CNGB3: variants seen among roughly 807,000 people sequenced by gnomAD.
CNGB3 encodes cyclic nucleotide gated channel subunit beta 3.
CNGB3 carries 86 observed loss-of-function variants against 92.8 expected under a neutral mutation model. The ratio of observed to expected loss-of-function variants is 0.93; its 90% CI spans 0.78 to 1.11. CNGB3 has a LOEUF of 1.11. CNGB3 is among the 50% of genes least tolerant of loss of function. The pLI is 0.00. For synonymous variants in CNGB3, 333 were observed against 332.7 expected (o/e 1.00, Z -0.01); for missense variants, 1,026 against 956.8 (o/e 1.07, Z -0.95).
At chr8:86,710,523 G>A (rs1440037390) in intron 3 of CNGB3, among the ~76,000 whole-genome samples, 6 of 152,146 alleles carry the variant, frequency 3.9e-5, no homozygotes, top group African/African-American at 1.4e-4. Context: ...ACCATGGGGA[G>A]CTTCCCTTTT....
chr8:86,604,082 C>A lies in CNGB3; in HGVS notation c.1781+11G>T. The A allele has an allele frequency of 1.3e-6, 2 of 1,546,904 alleles. No individual in the cohort carries two copies. Among genetic ancestry groups the A allele is most frequent in the Non-Finnish European group, 1.8e-6 (2 of 1,119,172 alleles). On this transcript the variant is annotated intron_variant, in intron 15 of 17. Coordinates refer to ENST00000320005, the MANE Select transcript of CNGB3 (RefSeq NM_019098.5). ...ATGGACTTCAATATTTATGAAGTATCTTTCAGATACCTGATTTCTCCAAAC... is the reference window on the plus strand; with the variant it reads ...ATGGACTTCAATATTTATGAAGTATATTTCAGATACCTGATTTCTCCAAAC...
Position 86,657,646 on chromosome 8 carries a change from C to T in CNGB3, c.853-3584G>A, listed in dbSNP as rs541440343. ...CCTGTGGGAGCTGGGGCACCTGGAG[C>T]GGGCTAATCAACAGGGTTCTTGGCA... On this transcript the variant is annotated intron_variant, in intron 6 of 17. Coordinates refer to ENST00000320005, the MANE Select transcript of CNGB3 (RefSeq NM_019098.5). The T allele has an allele frequency of 4.9e-4, 202 of 412,002 alleles. 1 individual carries two copies. Among genetic ancestry groups the T allele is most frequent in the Non-Finnish European group, 7.9e-4 (162 of 204,772 alleles). The allele number at this position is 412,002 out of a possible 1,614,324, so 25.5% of individuals were successfully genotyped here.
rs1004824922 is a variant in CNGB3 at position 86,603,973 on chromosome 8, G to A, written c.1781+120C>T. ...AAAAATATGAAAATCCTTATTTTACGAATGCTCTCAGCACAATCAAACCTT... is the reference window on the plus strand; with the variant it reads ...AAAAATATGAAAATCCTTATTTTACAAATGCTCTCAGCACAATCAAACCTT... On this transcript the variant is annotated intron_variant, in intron 15 of 17. Transcript: ENST00000320005. The A allele has an allele frequency of 5.9e-5, 42 of 714,968 alleles. No homozygotes were observed. The East Asian group carries it at 9.9e-4, about 17-fold the overall frequency. The allele number at this position is 714,968 out of a possible 1,614,324, so 44.3% of individuals were successfully genotyped here. A position where few individuals can be genotyped will look rare whatever the true frequency, so the allele number is the denominator to read the frequency against.
intron 3 of CNGB3, among the ~76,000 whole-genome samples, chr8:86,717,559 C>T (rs1350971670): frequency 4.7e-5 from 2 of 42,538 alleles, no homozygotes; most frequent in Non-Finnish European, 7.6e-5. Flanking sequence ...GAGACTCTGT[C>T]TCAAAAAAAA....
chr8:86,597,321 C>A (rs1822193806), intron 15 of CNGB3, among the ~76,000 whole-genome samples: 3 of 152,130 alleles, frequency 2.0e-5, no homozygotes, highest in Admixed American at 6.5e-5. Context: ...TGGGTTCCTG[C>A]CCTCCCGGTT....
At chr8:86,668,469 A>C (rs2131616461) in intron 4 of CNGB3, among the ~76,000 whole-genome samples, 1 of 152,302 alleles carries the variant, frequency 6.6e-6, no homozygotes, top group Non-Finnish European at 1.5e-5. Flanking sequence ...CATGTATCCC[A>C]GAACTTAAAG....
chr8:86,588,933 C>T (rs1480796734), intron 15 of CNGB3, among the ~76,000 whole-genome samples: 1 of 151,740 alleles, frequency 6.6e-6, no homozygotes, highest in African/African-American at 2.4e-5. Flanking sequence ...CTCCTTGTAC[C>T]TCTGGTAGAA....
intron 8 of CNGB3, among the ~76,000 whole-genome samples, chr8:86,645,332 C>T (rs1823276315): frequency 6.6e-6 from 1 of 151,226 alleles, no homozygotes; most frequent in African/African-American, 2.4e-5. Context: ...CTTCCTACTT[C>T]CTACTTCCTC....
chr8:86,579,066 C>A, intron 16 of CNGB3, 40 bp downstream of exon 16: 1 of 1,613,690 alleles, frequency 6.2e-7, no homozygotes, highest in Non-Finnish European at 8.5e-7. Context: ...CAAAGTAAAA[C>A]CAACTCCATC....
chr8:86,681,753 G>C (rs1177629927), intron 3 of CNGB3, among the ~76,000 whole-genome samples: 1 of 152,152 alleles, frequency 6.6e-6, no homozygotes, highest in Non-Finnish European at 1.5e-5. Context: ...AAAAACATTA[G>C]ATTGGCTTCA....
intron 13 of CNGB3, among the ~76,000 whole-genome samples, chr8:86,614,454 T>C (rs1822576323): frequency 6.6e-6 from 1 of 152,052 alleles, no homozygotes; most frequent in Non-Finnish European, 1.5e-5. Flanking sequence ...ATTCTCTCTC[T>C]CTCCCCACTG....
intron 7 of CNGB3, among the ~76,000 whole-genome samples, chr8:86,650,901 T>C (rs1823389308): frequency 6.6e-6 from 1 of 151,766 alleles, no homozygotes; most frequent in African/African-American, 2.4e-5. Flanking sequence ...TGCAAAAATA[T>C]GGAACTAACC....
chr8:86,691,983 C>A (rs918141789), intron 3 of CNGB3, among the ~76,000 whole-genome samples: 1 of 152,036 alleles, frequency 6.6e-6, no homozygotes, highest in Non-Finnish European at 1.5e-5. Flanking sequence ...CATTGTTGAC[C>A]AAATGATCAT....
intron 3 of CNGB3, among the ~76,000 whole-genome samples, chr8:86,691,561 T>C (rs1362827072): frequency 2.6e-5 from 4 of 152,102 alleles, no homozygotes; most frequent in African/African-American, 9.6e-5. Flanking sequence ...TGCCGATTGC[T>C]ATCAGTTGTA....
chr8:86,577,905 TTTTG>T (rs536668984), intron 17 of CNGB3, among the ~76,000 whole-genome samples: 6 of 152,082 alleles, frequency 3.9e-5, no homozygotes, highest in Admixed American at 6.5e-5. Flanking sequence ...TTGTTGTTGT[TTTTG>T]TTTGTTTGTT....
At chr8:86,717,080 G>A (rs184283359) in intron 3 of CNGB3, among the ~76,000 whole-genome samples, 1 of 152,162 alleles carries the variant, frequency 6.6e-6, no homozygotes, top group East Asian at 1.9e-4. Flanking sequence ...TCTTATATCA[G>A]ACAAAACAAA....
chr8:86,651,263 C>A (rs1471343859), intron 7 of CNGB3, among the ~76,000 whole-genome samples: 3 of 151,624 alleles, frequency 2.0e-5, no homozygotes, highest in African/African-American at 7.3e-5. Flanking sequence ...CTATATAATT[C>A]ATCCATGTAA....
chr8:86,647,225 A>C (rs1404089271), intron 8 of CNGB3, among the ~76,000 whole-genome samples: 6 of 150,932 alleles, frequency 4.0e-5, no homozygotes, highest in Admixed American at 4.0e-4. Flanking sequence ...AAATTATATA[A>C]ATATATTTTG....
chr8:86,670,990 C>CA lies in CNGB3; in HGVS notation c.446_447insT (p.Lys149AsnfsTer30), dbSNP rs748993388. The CA allele has an allele frequency of 1.9e-6, 3 of 1,613,200 alleles. No homozygotes were observed. The highest frequency in any genetic ancestry group is 1.7e-5 in the Admixed American group (1 of 60,016). On this transcript the variant is annotated frameshift_variant, in exon 4 of 18. Transcript: ENST00000320005. LOFTEE classifies it high-confidence loss of function. ...GTGAGGAGAGATCTCCCTCTACCAA[C>CA]TTTTTCTTGTAGAGGGCTGTTCTTT...
Sources: gnomAD v4.1 joint callset for allele counts (sites outside exome capture counted in the v4.1 genomes callset) on GRCh38, gnomAD v4.1.1 for gene constraint, MANE v1.5 for transcripts, NCBI Gene and HGNC (gene_info 2026-07-23, HGNC 2026-07-21) for gene names.